NPAS2: variants seen among roughly 807,000 people sequenced by gnomAD.
NPAS2 encodes neuronal PAS domain-containing protein 2.
A neutral mutation model predicts 107.5 loss-of-function variants in NPAS2; 23 were observed. The observed-to-expected ratio is 0.21, with a 90% CI of 0.15 to 0.30. The LOEUF (loss-of-function observed/expected upper bound fraction) is 0.30. Ranked by LOEUF, NPAS2 falls within the 10% of genes least tolerant of loss-of-function variation. The pLI is 1.00. For missense variants in NPAS2, 756 were observed against 1,043.3 expected (o/e 0.72, Z 3.79); for synonymous variants, 403 against 417.5 (o/e 0.97, Z 0.42).
chr2:100,962,518 G>A (rs1406683102), intron 7 of NPAS2, among the ~76,000 whole-genome samples: 1 of 152,140 alleles, frequency 6.6e-6, no homozygotes, highest in Admixed American at 6.5e-5. Context: ...GCTGCACACT[G>A]GTGAACCTGC....
intron 2 of NPAS2, among the ~76,000 whole-genome samples, chr2:100,914,056 G>T (rs1682716738): frequency 6.6e-6 from 1 of 152,186 alleles, no homozygotes. Flanking sequence ...CCAAGAAGGA[G>T]GGGAGAGAAG....
At chr2:100,953,679 G>A (rs1164149063) in intron 7 of NPAS2, among the ~76,000 whole-genome samples, 2 of 152,148 alleles carry the variant, frequency 1.3e-5, no homozygotes, top group Non-Finnish European at 2.9e-5. Context: ...TCTATGATGT[G>A]TGAGTGGGAA....
chr2:100,949,615 C>G (rs1270611594), intron 7 of NPAS2, 135 bp downstream of exon 7: 3 of 617,352 alleles, frequency 4.9e-6, no homozygotes, highest in Non-Finnish European at 5.8e-6. Context: ...TTTCGAGTTC[C>G]CAGGATGTGT....
chr2:100,852,934 C>G (rs900870130), intron 1 of NPAS2, among the ~76,000 whole-genome samples: 5 of 152,148 alleles, frequency 3.3e-5, no homozygotes, highest in African/African-American at 9.7e-5. Context: ...ATGAATTTCA[C>G]TCATTATCTT....
chr2:100,836,596 C>G (rs1391121453), intron 1 of NPAS2, among the ~76,000 whole-genome samples: 1 of 152,176 alleles, frequency 6.6e-6, no homozygotes, highest in Non-Finnish European at 1.5e-5. Flanking sequence ...CAGGAGTTAA[C>G]GATTCAAGGG....
chr2:100,819,239 G>C (rs1285412079), upstream of NPAS2, among the ~76,000 whole-genome samples: 1 of 152,136 alleles, frequency 6.6e-6, no homozygotes, highest in Non-Finnish European at 1.5e-5. The surrounding 1 kb of genome is among the most constrained non-coding windows in gnomAD (Gnocchi z 5.8). Context: ...GGAGGGCAGC[G>C]GAGGAGGGGA....
intron 1 of NPAS2, among the ~76,000 whole-genome samples, chr2:100,824,568 A>G (rs1676260066): frequency 6.6e-6 from 1 of 152,102 alleles, no homozygotes; most frequent in Non-Finnish European, 1.5e-5. Context: ...AGTACGAGTT[A>G]CTTGAAACTA....
chr2:100,978,393 C>A (rs368000747), intron 15 of NPAS2, among the ~76,000 whole-genome samples: 19 of 152,050 alleles, frequency 1.2e-4, no homozygotes, highest in Admixed American at 2.0e-4. Flanking sequence ...TTCCACATTC[C>A]TCTTGTTCTT....
intron 3 of NPAS2, among the ~76,000 whole-genome samples, chr2:100,930,546 C>T (rs1215797174): frequency 6.6e-6 from 1 of 152,132 alleles, no homozygotes; most frequent in Non-Finnish European, 1.5e-5. Context: ...AATTTGGAAA[C>T]CACTTTTACC....
At chr2:100,843,805 G>A (rs1677598296) in intron 1 of NPAS2, among the ~76,000 whole-genome samples, 1 of 152,166 alleles carries the variant, frequency 6.6e-6, no homozygotes, top group Non-Finnish European at 1.5e-5. Flanking sequence ...ACTCTGGCAT[G>A]AAGGAATAAT....
At chr2:100,925,025 G>T in intron 2 of NPAS2, 121 bp from the exon 3 acceptor site, 1 of 1,065,028 alleles carries the variant, frequency 9.4e-7, no homozygotes, top group Non-Finnish European at 1.3e-6. Context: ...CTTCCTGAAA[G>T]AGTTTTTTGA....
intron 7 of NPAS2, among the ~76,000 whole-genome samples, chr2:100,960,507 G>A (rs191997562): frequency 2.6e-4 from 40 of 151,830 alleles, no homozygotes; most frequent in Non-Finnish European, 4.6e-4. Context: ...AGAAGACCAC[G>A]CCACGCACCT....
intron 1 of NPAS2, among the ~76,000 whole-genome samples, chr2:100,846,033 G>A (rs995857576): frequency 2.0e-5 from 3 of 152,196 alleles, no homozygotes; most frequent in Non-Finnish European, 4.4e-5. Context: ...GCGGTGTCAG[G>A]CCCAAGGTGA....
At chr2:100,958,391 G>A (rs1364190346) in intron 7 of NPAS2, among the ~76,000 whole-genome samples, 3 of 152,166 alleles carry the variant, frequency 2.0e-5, no homozygotes, top group African/African-American at 7.2e-5. Context: ...GCGCATGCAC[G>A]CCAGACCTCA....
intron 1 of NPAS2, among the ~76,000 whole-genome samples, chr2:100,847,422 T>A (rs774108665): frequency 2.6e-5 from 4 of 152,148 alleles, no homozygotes; most frequent in Admixed American, 2.0e-4. Context: ...CAGGCTGGAG[T>A]GCAGTGGTGT....
chr2:100,843,403 C>G (rs1677571384), intron 1 of NPAS2, among the ~76,000 whole-genome samples: 1 of 152,106 alleles, frequency 6.6e-6, no homozygotes, highest in African/African-American at 2.4e-5. Flanking sequence ...TACAGCCAAA[C>G]AGCAATATAG....
At chr2:100,974,746 C>A in intron 12 of NPAS2, 57 bp from the exon 13 acceptor site, 1 of 1,563,364 alleles carries the variant, frequency 6.4e-7, no homozygotes, top group Non-Finnish European at 8.7e-7. Context: ...AAAGTCACGC[C>A]CACTGATTCT....
chr2:100,849,992 C>T (rs1678046878), intron 1 of NPAS2, among the ~76,000 whole-genome samples: 1 of 93,174 alleles, frequency 1.1e-5, no homozygotes, highest in African/African-American at 4.2e-5. Context: ...CAAGATAGAT[C>T]TAACAGTAAC....
At chr2:100,974,360 G>C (rs981771837) in intron 12 of NPAS2, among the ~76,000 whole-genome samples, 7 of 152,282 alleles carry the variant, frequency 4.6e-5, no homozygotes, top group African/African-American at 1.7e-4. Context: ...AGGCTGCAGA[G>C]AATGAGTAAC....
Sources: allele counts gnomAD v4.1 joint callset (sites outside exome capture counted in the v4.1 genomes callset), GRCh38; gene constraint gnomAD v4.1.1; non-coding constraint Gnocchi (gnomAD v3.1); transcripts MANE v1.5; gene names NCBI Gene and HGNC (gene_info 2026-07-23, HGNC 2026-07-21).